The following S100Z variants were observed in gnomAD, a reference collection of about 807,000 sequenced individuals.
S100Z encodes the protein protein S100-Z.
S100Z carries 11 observed loss-of-function variants against 8.5 expected under a neutral mutation model. That is an observed-to-expected ratio of 1.30 (90% CI 0.82 to 2.15). The LOEUF is 2.15. S100Z is among the 30% of genes most tolerant of loss of function. The pLI, the probability that S100Z is intolerant of heterozygous loss-of-function variation, is 0.00. For missense variants in S100Z, 126 were observed against 117.9 expected (o/e 1.07, Z -0.32); for synonymous variants, 34 against 43.8 (o/e 0.78, Z 0.89).
intron 2 of S100Z, among the ~76,000 whole-genome samples, chr5:76,872,643 G>C (rs188926146): frequency 6.6e-6 from 1 of 151,752 alleles, no homozygotes; most frequent in Non-Finnish European, 1.5e-5. Context: ...ATGGGTGACA[G>C]AGCAAGACTC....
chr5:76,932,286 A>G, the S100Z span, among the ~76,000 whole-genome samples: 3 of 152,346 alleles, frequency 2.0e-5, no homozygotes, highest in East Asian at 5.8e-4. Context: ...AGCATTTTGC[A>G]GAGCTTTCTC....
At chr5:76,887,600 G>T (rs1743694256) in intron 4 of S100Z, among the ~76,000 whole-genome samples, 1 of 151,900 alleles carries the variant, frequency 6.6e-6, no homozygotes, top group Non-Finnish European at 1.5e-5. Context: ...GTCTCACCAT[G>T]TTGGCCAGGC....
chr5:76,938,056 T>C, the S100Z span, among the ~76,000 whole-genome samples: 5 of 151,906 alleles, frequency 3.3e-5, no homozygotes, highest in Admixed American at 2.6e-4. Context: ...ATCGCGCCAC[T>C]GCACTCCAAC....
intron 4 of S100Z, among the ~76,000 whole-genome samples, chr5:76,911,282 C>A (rs1384945721): frequency 6.6e-6 from 1 of 152,152 alleles, no homozygotes; most frequent in Non-Finnish European, 1.5e-5. Context: ...TCTAGGAGTA[C>A]AAAAACCGAA....
intron 1 of S100Z, among the ~76,000 whole-genome samples, chr5:76,851,456 G>T (rs1213362595): frequency 1.3e-5 from 2 of 152,144 alleles, no homozygotes; most frequent in Non-Finnish European, 2.9e-5. Flanking sequence ...TGGCGCTAGG[G>T]TTGAGGAGGA....
intron 4 of S100Z, among the ~76,000 whole-genome samples, chr5:76,919,907 A>ATTTTTTTTTTTTCC (rs1561253785): frequency 8.2e-6 from 1 of 122,226 alleles, no homozygotes; most frequent in Admixed American, 8.2e-5. Flanking sequence ...CCCAGCTTTC[A>ATTTTTTTTTTTTCC]TTTTTTTTTT....
the S100Z span, among the ~76,000 whole-genome samples, chr5:76,933,783 T>C: frequency 6.6e-6 from 1 of 152,160 alleles, no homozygotes; most frequent in Admixed American, 6.5e-5. Context: ...TACAATTCAG[T>C]ATTAAGTATA....
At chr5:76,877,602 A>C in intron 3 of S100Z, 72 bp from the exon 4 acceptor site, 1 of 890,342 alleles carries the variant, frequency 1.1e-6, no homozygotes, top group Non-Finnish European at 1.8e-6. Flanking sequence ...ATGTAAATAA[A>C]AGGAAGATGA....
rs56206322 is a variant in S100Z at position 76,864,386 on chromosome 5, A to ATTTTTTTT, written c.-175-5754_-175-5747dup. Among the ~76,000 whole-genome samples, 56 of 72,174 alleles carry ATTTTTTTT rather than the reference A, an allele frequency of 7.8e-4. 1 individual carries two copies. Among genetic ancestry groups the ATTTTTTTT allele is most frequent in the South Asian group, 1.3e-3 (2 of 1,570 alleles). 47.3% of individuals were successfully genotyped at this position (72,174 alleles called of 152,430 possible). A position where few individuals can be genotyped will look rare whatever the true frequency, so the allele number is the denominator to read the frequency against. ...TATGTTACTGCTTAATGCATACTAT[A>ATTTTTTTT]TTTTTTTTTTTTTTTTTTTTTTTTT... On this transcript the variant is annotated intron_variant, in intron 1 of 4. Transcript: ENST00000317593.
chr5:76,880,710 A>G (rs997180277), intron 4 of S100Z, among the ~76,000 whole-genome samples: 10 of 152,236 alleles, frequency 6.6e-5, no homozygotes, highest in African/African-American at 2.4e-4. Context: ...AGAGTGTCCA[A>G]GGGAGTTCAG....
rs1745024442 is a variant in S100Z, at chr5:76,921,214, T to C, written c.*500T>C. 6.6e-6 allele frequency: 1 copy of C among 152,238 alleles called. No homozygotes were observed. Among genetic ancestry groups the C allele is most frequent in the South Asian group, 2.1e-4 (1 of 4,838 alleles). 9.4% of individuals were successfully genotyped at this position (152,238 alleles called of 1,614,324 possible). On this transcript the variant is annotated 3_prime_UTR_variant, in exon 5 of 5. Coordinates refer to ENST00000317593, the MANE Select transcript of S100Z (RefSeq NM_130772.4). ...ATCTATATAGTTCCAGCTTAATAAA[T>C]ATACAACTGTATTATTATTTTTGTC...
At chr5:76,925,544 G>A (rs571744365), downstream of S100Z, among the ~76,000 whole-genome samples, 8 of 152,162 alleles carry the variant, frequency 5.3e-5, no homozygotes, top group South Asian at 8.3e-4. Context: ...TTGTTCTAAC[G>A]CTCTCAATTC....
intron 4 of S100Z, among the ~76,000 whole-genome samples, chr5:76,914,501 G>A (rs1350769217): frequency 3.3e-5 from 5 of 152,106 alleles, no homozygotes; most frequent in South Asian, 2.1e-4. Flanking sequence ...GTGGCAACCC[G>A]CTCAGGTCCC....
intron 4 of S100Z, among the ~76,000 whole-genome samples, chr5:76,907,023 T>C (rs188199261): frequency 0.038 from 3,378 of 89,846 alleles, 216 homozygotes; most frequent in African/African-American, 0.2. Flanking sequence ...TATATATATA[T>C]ACATATATAT....
intron 3 of S100Z, among the ~76,000 whole-genome samples, chr5:76,876,108 C>T (rs1743182676): frequency 6.6e-6 from 1 of 152,136 alleles, no homozygotes; most frequent in African/African-American, 2.4e-5. Flanking sequence ...GGGGCCTCCT[C>T]CAAGGAAAAC....
At chr5:76,901,780 C>T (rs1185239145) in intron 4 of S100Z, among the ~76,000 whole-genome samples, 3 of 152,162 alleles carry the variant, frequency 2.0e-5, no homozygotes, top group Non-Finnish European at 2.9e-5. Flanking sequence ...GCAGAAGGAA[C>T]GTTGCTCCAT....
intron 1 of S100Z, among the ~76,000 whole-genome samples, chr5:76,862,408 G>A (rs1251385877): frequency 2.0e-5 from 3 of 152,136 alleles, no homozygotes; most frequent in African/African-American, 7.2e-5. Flanking sequence ...CACTTCAGCC[G>A]CTGATTGGTC....
At chr5:76,951,722 G>A in the S100Z span, among the ~76,000 whole-genome samples, 2 of 152,140 alleles carry the variant, frequency 1.3e-5, no homozygotes, top group Admixed American at 6.5e-5. Flanking sequence ...CAGCCCTTGG[G>A]ATGAGAAGGA....
chr5:76,870,464 G>A (rs898864466), intron 2 of S100Z, among the ~76,000 whole-genome samples, 180 bp downstream of exon 2: 22 of 152,184 alleles, frequency 1.4e-4, no homozygotes, highest in African/African-American at 5.3e-4. Context: ...CCCAAGGCCT[G>A]TGTAGAAGCT....
Sources: gnomAD v4.1 joint callset for allele counts (sites outside exome capture counted in the v4.1 genomes callset) on GRCh38, gnomAD v4.1.1 for gene constraint, MANE v1.5 for transcripts, NCBI Gene and HGNC (gene_info 2026-07-23, HGNC 2026-07-21) for gene names.